TRDN: variants seen among roughly 807,000 people sequenced by gnomAD.
TRDN encodes triadin.
TRDN carries 161 observed loss-of-function variants against 149.7 expected under a neutral mutation model. The ratio of observed to expected loss-of-function variants is 1.08; its 90% confidence interval spans 0.95 to 1.23. The LOEUF is 1.23. Ranked by LOEUF, TRDN falls within the 50% of genes most tolerant of loss-of-function variation. The pLI is 0.00. For synonymous variants in TRDN, 294 were observed against 250.5 expected, an observed-to-expected ratio of 1.17 and a Z score of -1.64; for missense variants, 896 against 823.5, an observed-to-expected ratio of 1.09 and a Z score of -1.08.
At chr6:123,263,970 T>G (rs1776854605) in intron 33 of TRDN, among the ~76,000 whole-genome samples, 1 of 152,054 alleles carries the variant, frequency 6.6e-6, no homozygotes, top group Admixed American at 6.6e-5. Context: ...AAAGACTCCT[T>G]TCAAATATTA....
At chr6:123,548,868 G>C (rs974745535) in intron 2 of TRDN, among the ~76,000 whole-genome samples, 4 of 151,886 alleles carry the variant, frequency 2.6e-5, no homozygotes, top group Non-Finnish European at 5.9e-5. Flanking sequence ...AAAAAAATTA[G>C]GAATGAATTA....
intron 5 of TRDN, among the ~76,000 whole-genome samples, chr6:123,525,353 C>A (rs1289494735): frequency 3.3e-5 from 5 of 151,996 alleles, no homozygotes; most frequent in African/African-American, 1.2e-4. Context: ...TATATATACA[C>A]CATGGAATAC....
chr6:123,314,082 T>C (rs1264117021), intron 24 of TRDN, among the ~76,000 whole-genome samples: 1 of 151,834 alleles, frequency 6.6e-6, no homozygotes, highest in Non-Finnish European at 1.5e-5. Context: ...TGGAAGAAAA[T>C]TTTTGCAAAC....
At chr6:123,463,814 T>G (rs2114704791) in intron 10 of TRDN, among the ~76,000 whole-genome samples, 1 of 152,056 alleles carries the variant, frequency 6.6e-6, no homozygotes, top group African/African-American at 2.4e-5. Flanking sequence ...GTAAATCACT[T>G]GTTTACTCTC....
At chr6:123,502,537 T>C (rs1778743641) in intron 8 of TRDN, 1 of 978,544 alleles carries the variant, frequency 1.0e-6, no homozygotes, top group Non-Finnish European at 1.2e-6. Flanking sequence ...TAAATCAGAG[T>C]TGACAAATAC....
At chr6:123,279,005 T>C in intron 25 of TRDN, 51 bp downstream of exon 25, 2 of 1,506,202 alleles carry the variant, frequency 1.3e-6, no homozygotes, top group Non-Finnish European at 1.8e-6. Flanking sequence ...TTGTTTTATG[T>C]ATGTATGTAC....
chr6:123,482,744 A>G (rs1777801665), intron 9 of TRDN, among the ~76,000 whole-genome samples: 1 of 152,186 alleles, frequency 6.6e-6, no homozygotes, highest in African/African-American at 2.4e-5. Flanking sequence ...ACTTCCTATA[A>G]GAAATTGGAA....
intron 24 of TRDN, among the ~76,000 whole-genome samples, chr6:123,302,844 T>G (rs1224341935): frequency 6.6e-6 from 1 of 152,140 alleles, no homozygotes; most frequent in Non-Finnish European, 1.5e-5. Context: ...GGCCCTAAGA[T>G]TCTATATTTC....
At chr6:123,436,989 C>T (rs1026406037) in intron 12 of TRDN, among the ~76,000 whole-genome samples, 1 of 152,122 alleles carries the variant, frequency 6.6e-6, no homozygotes, top group African/African-American at 2.4e-5. Context: ...GAATGCTTAT[C>T]ACCAAACCAT....
At chr6:123,470,173 T>C (rs1225166627) in intron 9 of TRDN, 1 of 152,210 alleles carries the variant, frequency 6.6e-6, no homozygotes, top group Non-Finnish European at 1.5e-5. Context: ...CTTTTATTAG[T>C]ATGTATTTCT....
At chr6:123,605,696 G>A (rs1175297445) in intron 1 of TRDN, among the ~76,000 whole-genome samples, 4 of 151,888 alleles carry the variant, frequency 2.6e-5, no homozygotes, top group African/African-American at 7.3e-5. Flanking sequence ...CCTGGGAGGC[G>A]GAGGTTACAG....
At chr6:123,427,702 C>T (rs1774181698) in intron 12 of TRDN, among the ~76,000 whole-genome samples, 1 of 152,162 alleles carries the variant, frequency 6.6e-6, no homozygotes, top group South Asian at 2.1e-4. Flanking sequence ...TTGATGTTCT[C>T]TGTTTCCTGA....
intron 12 of TRDN, among the ~76,000 whole-genome samples, chr6:123,426,992 C>T (rs899860365): frequency 1.3e-5 from 2 of 152,004 alleles, no homozygotes; most frequent in Non-Finnish European, 2.9e-5. Context: ...AATTATTAAA[C>T]TTTCTTTCCT....
At chr6:123,377,440 G>A (rs1008215390) in intron 18 of TRDN, among the ~76,000 whole-genome samples, 3 of 152,300 alleles carry the variant, frequency 2.0e-5, no homozygotes, top group South Asian at 2.1e-4. Context: ...TAGGTCTTGA[G>A]TGGGGCCAAA....
At chr6:123,578,881 A>T (rs1391916917) in intron 1 of TRDN, among the ~76,000 whole-genome samples, 1 of 151,410 alleles carries the variant, frequency 6.6e-6, no homozygotes, top group South Asian at 2.1e-4. Context: ...GGTTACATGT[A>T]CTCCTAGGTG....
chr6:123,342,373 A>G (rs1009462450), intron 21 of TRDN, among the ~76,000 whole-genome samples: 1 of 151,896 alleles, frequency 6.6e-6, no homozygotes, highest in Non-Finnish European at 1.5e-5. Context: ...AGAAAATTTT[A>G]TTAGTCATGA....
Position 123,512,298 on chromosome 6 carries a change from GT to G in TRDN, c.610+4del. ...AGTTATGGAAATAATAAATTGAAAAGTTACCTTTCGCCAGTGTCTTTGTTTC... is the reference window on the plus strand; with the variant it reads ...AGTTATGGAAATAATAAATTGAAAAGTACCTTTCGCCAGTGTCTTTGTTTC... On this transcript the variant is annotated splice_donor_region_variant and intron_variant, in intron 7 of 40. Transcript: ENST00000334268. 1 of 1,436,324 alleles carries G rather than the reference GT, an allele frequency of 7.0e-7. No individual in the cohort carries two copies. Among genetic ancestry groups the G allele is most frequent in the Non-Finnish European group, 9.6e-7 (1 of 1,045,958 alleles). The allele number at this position is 1,436,324 out of a possible 1,614,324, so 89.0% of individuals were successfully genotyped here.
chr6:123,544,099 G>A (rs1392491720), intron 4 of TRDN, among the ~76,000 whole-genome samples: 1 of 151,884 alleles, frequency 6.6e-6, no homozygotes, highest in Non-Finnish European at 1.5e-5. Flanking sequence ...TTTTTAGAAT[G>A]CCATCGAATG....
At chr6:123,587,290 G>A (rs1299454844) in intron 1 of TRDN, among the ~76,000 whole-genome samples, 1 of 152,156 alleles carries the variant, frequency 6.6e-6, no homozygotes, top group African/African-American at 2.4e-5. Flanking sequence ...CCTAGTCCAT[G>A]ACTGGCGCCA....
Sources: gnomAD v4.1 joint callset for allele counts (sites outside exome capture counted in the v4.1 genomes callset) on GRCh38, gnomAD v4.1.1 for gene constraint, MANE v1.5 for transcripts, NCBI Gene and HGNC (gene_info 2026-07-23, HGNC 2026-07-21) for gene names.